Variants in TESC observed in about 807,000 individuals in gnomAD.
TESC encodes the protein calcineurin B homologous protein 3.
In TESC, 19 loss-of-function variants were observed where a neutral mutation model predicts 31.0. The ratio of observed to expected loss-of-function variants is 0.61; its 90% CI spans 0.43 to 0.90. The LOEUF (loss-of-function observed/expected upper bound fraction) is 0.90, where lower values mean the gene tolerates loss of function less well. Among genes scored for constraint, TESC ranks in the 40% least tolerant of loss-of-function variants. TESC has a pLI of 0.00. For synonymous variants in TESC, 109 were observed against 114.8 expected, an observed-to-expected ratio of 0.95 and a Z score of 0.32; for missense variants, 248 against 303.8, an observed-to-expected ratio of 0.82 and a Z score of 1.36.
intron 2 of TESC, among the ~76,000 whole-genome samples, chr12:117,070,466 C>T (rs1954952476): frequency 2.0e-5 from 3 of 152,120 alleles, no homozygotes; most frequent in Admixed American, 1.3e-4. Context: ...ACACGAACCT[C>T]GAAGCCGACT....
intron 2 of TESC, among the ~76,000 whole-genome samples, chr12:117,057,579 G>A (rs1021375371): frequency 2.0e-5 from 3 of 152,132 alleles, no homozygotes; most frequent in African/African-American, 4.8e-5. Flanking sequence ...CAGTCTGGCA[G>A]GTCCTCAAAG....
At chr12:117,066,748 TCAGAA>T (rs1954890337) in intron 2 of TESC, among the ~76,000 whole-genome samples, 1 of 151,950 alleles carries the variant, frequency 6.6e-6, no homozygotes, top group Non-Finnish European at 1.5e-5. Context: ...CACATAAGCA[TCAGAA>T]CAGAAGTGCC....
intron 6 of TESC, among the ~76,000 whole-genome samples, chr12:117,043,491 C>CAA: frequency 6.6e-6 from 1 of 152,228 alleles, no homozygotes; most frequent in East Asian, 1.9e-4. Context: ...GAGTCTCGCT[C>CAA]TGTTGCCCAG....
intron 2 of TESC, among the ~76,000 whole-genome samples, chr12:117,062,257 T>C (rs934798422): frequency 5.9e-5 from 9 of 152,162 alleles, no homozygotes; most frequent in African/African-American, 1.9e-4. Context: ...AGTCTCACTC[T>C]GCCGCCCAGG....
intron 1 of TESC, among the ~76,000 whole-genome samples, chr12:117,083,154 T>G (rs1029913907): frequency 6.6e-6 from 1 of 152,090 alleles, no homozygotes; most frequent in African/African-American, 2.4e-5. Context: ...GGCACAACCT[T>G]AGCTCACTGC....
chr12:117,050,562 C>T (rs1954634208), intron 3 of TESC, among the ~76,000 whole-genome samples: 1 of 152,166 alleles, frequency 6.6e-6, no homozygotes, highest in Non-Finnish European at 1.5e-5. Flanking sequence ...GAGTTCATGC[C>T]CCATGCCCGG....
intron 2 of TESC, among the ~76,000 whole-genome samples, chr12:117,061,951 C>T (rs1184906807): frequency 2.0e-5 from 3 of 152,106 alleles, no homozygotes; most frequent in African/African-American, 7.2e-5. Context: ...CATGATGGGG[C>T]TAATGAGATG....
intron 1 of TESC, among the ~76,000 whole-genome samples, chr12:117,085,400 G>A (rs767135777): frequency 4.6e-5 from 7 of 152,142 alleles, no homozygotes; most frequent in Non-Finnish European, 8.8e-5. Context: ...AGGTGCAGCC[G>A]CCCAGGGTGA....
At chr12:117,040,270 C>T (rs1232877447) in intron 7 of TESC, among the ~76,000 whole-genome samples, 1 of 152,130 alleles carries the variant, frequency 6.6e-6, no homozygotes, top group Non-Finnish European at 1.5e-5. Flanking sequence ...GCTGGATGCA[C>T]GAGGCATTCC....
intron 1 of TESC, among the ~76,000 whole-genome samples, chr12:117,090,390 T>TA (rs1355997284): frequency 2.0e-5 from 3 of 152,132 alleles, no homozygotes; most frequent in Non-Finnish European, 2.9e-5. Context: ...AATGAATTAC[T>TA]AAAAAAAGTT....
At chr12:117,062,810 T>C (rs943403858) in intron 2 of TESC, among the ~76,000 whole-genome samples, 1 of 152,192 alleles carries the variant, frequency 6.6e-6, no homozygotes, top group East Asian at 1.9e-4. Flanking sequence ...ATGAACCGGC[T>C]TTTCTAAAGG....
At chr12:117,075,889 A>ATGTGTGTG (rs1565971512) in intron 1 of TESC, among the ~76,000 whole-genome samples, 1 of 71,814 alleles carries the variant, frequency 1.4e-5, no homozygotes. Flanking sequence ...ATATATATAT[A>ATGTGTGTG]TATATATATA....
chr12:117,045,728 A>G (rs894539849), intron 6 of TESC, among the ~76,000 whole-genome samples: 1 of 152,198 alleles, frequency 6.6e-6, no homozygotes, highest in Non-Finnish European at 1.5e-5. Context: ...CTGGGCAAAC[A>G]CAAAGCCGTC....
chr12:117,049,223 A>G, intron 3 of TESC, 65 bp from the exon 4 acceptor site: 1 of 1,605,688 alleles, frequency 6.2e-7, no homozygotes, highest in Non-Finnish European at 8.5e-7. Flanking sequence ...TCTTGCTACC[A>G]TTAGCTCCCG....
chr12:117,072,428 T>A (rs1954987114), intron 2 of TESC, among the ~76,000 whole-genome samples: 1 of 152,128 alleles, frequency 6.6e-6, no homozygotes, highest in South Asian at 2.1e-4. Context: ...GTGACCATGC[T>A]CACTTTCCAG....
intron 1 of TESC, among the ~76,000 whole-genome samples, chr12:117,097,667 T>C (rs1955413627): frequency 6.6e-6 from 1 of 152,040 alleles, no homozygotes; most frequent in Admixed American, 6.6e-5. Context: ...GTAAGTAAAA[T>C]ATCCAACATA....
chr12:117,060,627 G>C (rs1280270853), intron 2 of TESC, among the ~76,000 whole-genome samples: 1 of 152,064 alleles, frequency 6.6e-6, no homozygotes, highest in African/African-American at 2.4e-5. Flanking sequence ...GCTTCCCAGA[G>C]ACCCCACAAG....
intron 3 of TESC, 146 bp from the exon 4 acceptor site, chr12:117,049,304 C>T: frequency 8.3e-7 from 1 of 1,203,556 alleles, no homozygotes; most frequent in African/African-American, 1.5e-5. Flanking sequence ...GCCCCAAGAA[C>T]CTGCTTCGTG....
In TESC at chr12:117,092,760, T is replaced by C. The variant is rs536759596; in HGVS notation, c.58+6465A>G. Among the ~76,000 whole-genome samples the C allele has an allele frequency of 2.6e-5, 4 of 152,332 alleles. No individual in the cohort carries two copies. In the South Asian group the frequency reaches 6.2e-4, roughly 24 times the overall value. The stretch of plus-strand genomic sequence containing the variant: ...GCAGTGAACTGTGATTGCACCACTA[T>C]GCTCCAGCCTGGGCAACAGAGCAGG... On this transcript the variant is annotated intron_variant, in intron 1 of 7. Transcript: ENST00000335209.
Sources: allele counts gnomAD v4.1 joint callset (sites outside exome capture counted in the v4.1 genomes callset), GRCh38; gene constraint gnomAD v4.1.1; transcripts MANE v1.5; gene names NCBI Gene and HGNC (gene_info 2026-07-23, HGNC 2026-07-21).